ANKH: variants seen among roughly 807,000 people sequenced by gnomAD.
ANKH encodes the protein ANKH inorganic pyrophosphate transport regulator.
A neutral mutation model predicts 49.0 loss-of-function variants in ANKH; 15 were observed. The ratio of observed to expected loss-of-function variants is 0.31; its 90% CI spans 0.20 to 0.47. ANKH has a LOEUF of 0.47. Among genes scored for constraint, ANKH ranks in the 20% least tolerant of loss-of-function variants. The pLI is 1.00. For synonymous variants in ANKH, 273 were observed against 260.0 expected, an observed-to-expected ratio of 1.05 and a Z score of -0.48; for missense variants, 429 against 652.0, an observed-to-expected ratio of 0.66 and a Z score of 3.72.
chr5:14,808,924 G>T, intron 1 of ANKH, among the ~76,000 whole-genome samples: 1 of 96,454 alleles, frequency 1.0e-5, no homozygotes, highest in Non-Finnish European at 2.0e-5. Context: ...GCAAAGACTT[G>T]GAACCAACCC....
In ANKH at chr5:14,706,017, G is replaced by C. The variant is rs780042836; in HGVS notation, c.*5180C>G. 2 of 152,162 alleles carry C rather than the reference G, an allele frequency of 1.3e-5. No homozygotes were observed. Among genetic ancestry groups the C allele is most frequent in the Non-Finnish European group, 2.9e-5 (2 of 68,028 alleles). 9.4% of individuals were successfully genotyped at this position (152,162 alleles called of 1,614,324 possible). A position where few individuals can be genotyped will look rare whatever the true frequency, so the allele number is the denominator to read the frequency against. On this transcript the variant is annotated 3_prime_UTR_variant, in exon 12 of 12. Coordinates refer to ENST00000284268, the MANE Select transcript of ANKH (RefSeq NM_054027.6). ...TTATAGTGAGAATTTCCATGAGGTT[G>C]TACAGTGAGTGGTACAACCATTTTT...
At chr5:14,829,166 CAG>C (rs1025132510) in intron 1 of ANKH, among the ~76,000 whole-genome samples, 2 of 123,894 alleles carry the variant, frequency 1.6e-5, no homozygotes, top group Non-Finnish European at 3.2e-5. Context: ...GCCTGGGCGA[CAG>C]AGAGAGACTC....
intron 8 of ANKH, 176 bp downstream of exon 8, chr5:14,741,649 AGG>A (rs1465242055): frequency 1.7e-6 from 1 of 605,858 alleles, no homozygotes; most frequent in African/African-American, 1.8e-5. Context: ...CCTAGACTCA[AGG>A]GCCTCCTTGA....
At chr5:14,797,781 A>T in intron 1 of ANKH, 1 of 1,611,298 alleles carries the variant, frequency 6.2e-7, no homozygotes, top group South Asian at 1.1e-5. Context: ...AACGGCACTG[A>T]TGTCCCACAG....
At chr5:14,809,335 T>TAAAAAAAAAAAAAAAAAAAAAAAA (rs36119317) in intron 1 of ANKH, among the ~76,000 whole-genome samples, 1 of 80,858 alleles carries the variant, frequency 1.2e-5, no homozygotes, top group African/African-American at 4.9e-5. Context: ...TAGAGTATAA[T>TAAAAAAAAAAAAAAAAAAAAAAAA]AAAAAAAAAA....
At chr5:14,733,402 A>C (rs1738066816) in intron 8 of ANKH, among the ~76,000 whole-genome samples, 1 of 152,216 alleles carries the variant, frequency 6.6e-6, no homozygotes, top group African/African-American at 2.4e-5. Flanking sequence ...TTGAGCAAAG[A>C]CCACAGACTA....
chr5:14,743,274 C>T (rs1054954270), intron 7 of ANKH, among the ~76,000 whole-genome samples: 1 of 152,230 alleles, frequency 6.6e-6, no homozygotes, highest in African/African-American at 2.4e-5. Context: ...GAGCACTGCC[C>T]TGCTGGGTAC....
chr5:14,746,113 G>T, intron 6 of ANKH, 151 bp from the exon 7 acceptor site: 1 of 710,206 alleles, frequency 1.4e-6, no homozygotes, highest in Non-Finnish European at 2.5e-6. Context: ...GCACAGGACG[G>T]CCCAGGACGG....
intron 7 of ANKH, among the ~76,000 whole-genome samples, chr5:14,744,111 A>C (rs1412173689): frequency 2.6e-5 from 4 of 152,238 alleles, no homozygotes; most frequent in Non-Finnish European, 4.4e-5. Flanking sequence ...CCTTGAAATG[A>C]AAACAATGAT....
chr5:14,752,102 G>A (rs1738738923), intron 4 of ANKH, among the ~76,000 whole-genome samples: 1 of 152,198 alleles, frequency 6.6e-6, no homozygotes, highest in African/African-American at 2.4e-5. Flanking sequence ...GAGACCAGCA[G>A]TTCCAGACCA....
intron 1 of ANKH, among the ~76,000 whole-genome samples, chr5:14,840,761 T>A (rs1173571092): frequency 6.6e-6 from 1 of 152,256 alleles, no homozygotes; most frequent in East Asian, 1.9e-4. Context: ...TTTCTAATGA[T>A]GCCCAGGCAT....
At chr5:14,743,617 C>A (rs1412509649) in intron 7 of ANKH, among the ~76,000 whole-genome samples, 2 of 152,196 alleles carry the variant, frequency 1.3e-5, no homozygotes, top group African/African-American at 2.4e-5. Flanking sequence ...CTGGAGCCCA[C>A]AAAGAAGCTC....
rs554050931 is a variant in ANKH at position 14,716,397 on chromosome 5, CAGG to C, written c.1141+306_1141+308del. On this transcript the variant is annotated intron_variant, in intron 9 of 11. Transcript: ENST00000284268. ...AGTCCCAGCTACTTGGGAGGCTGAA[CAGG>C]AGAAGTGCTTGAACCCGGGAGGCAG... Among the ~76,000 whole-genome samples, 163 of 152,238 alleles carry C rather than the reference CAGG, an allele frequency of 1.1e-3. 2 individuals are homozygous for C. Among genetic ancestry groups the C allele is most frequent in the Non-Finnish European group, 2.1e-3 (141 of 68,010 alleles).
At chr5:14,802,897 A>G (rs1740605190) in intron 1 of ANKH, among the ~76,000 whole-genome samples, 1 of 152,210 alleles carries the variant, frequency 6.6e-6, no homozygotes, top group African/African-American at 2.4e-5. Context: ...TAGGTGCTCA[A>G]TAAAGACTTG....
intron 1 of ANKH, among the ~76,000 whole-genome samples, chr5:14,780,982 C>T (rs900310927): frequency 5.3e-5 from 8 of 152,218 alleles, no homozygotes; most frequent in African/African-American, 9.6e-5. Context: ...AAAAGTCAGA[C>T]GTACATGTGC....
intron 1 of ANKH, among the ~76,000 whole-genome samples, chr5:14,855,323 G>T (rs895524881): frequency 6.6e-6 from 1 of 152,126 alleles, no homozygotes; most frequent in Non-Finnish European, 1.5e-5. Context: ...CCTATTAATA[G>T]ATAGACTCAC....
At chr5:14,810,817 A>T (rs1251397140) in intron 1 of ANKH, among the ~76,000 whole-genome samples, 1 of 152,138 alleles carries the variant, frequency 6.6e-6, no homozygotes, top group Non-Finnish European at 1.5e-5. Context: ...AAAAAAGCAG[A>T]CTCAGTATGA....
chr5:14,775,058 C>CTTTTTTTTTTTTTTTTTTT (rs33960345), intron 1 of ANKH, among the ~76,000 whole-genome samples: 1 of 151,020 alleles, frequency 6.6e-6, no homozygotes, highest in Non-Finnish European at 1.5e-5. Flanking sequence ...CATAAGTCCC[C>CTTTTTTTTTTTTTTTTTTT]TTTTTTTTCT....
intron 2 of ANKH, among the ~76,000 whole-genome samples, chr5:14,766,791 C>T (rs1739271917): frequency 6.6e-6 from 1 of 152,184 alleles, no homozygotes; most frequent in Non-Finnish European, 1.5e-5. Flanking sequence ...AGGAGCTGTA[C>T]ATGTAGGGAA....
Sources: allele counts gnomAD v4.1 joint callset (sites outside exome capture counted in the v4.1 genomes callset), GRCh38; gene constraint gnomAD v4.1.1; transcripts MANE v1.5; gene names NCBI Gene and HGNC (gene_info 2026-07-23, HGNC 2026-07-21).